The following TMPRSS11D variants were observed in gnomAD, a reference collection of about 807,000 sequenced individuals.
TMPRSS11D encodes the protein transmembrane serine protease 11D.
Under a neutral mutation model 44.4 loss-of-function variants are expected in TMPRSS11D, and 32 were observed. The ratio of observed to expected loss-of-function variants is 0.72; its 90% CI spans 0.54 to 0.97. TMPRSS11D has a LOEUF of 0.97. Among genes scored for constraint, TMPRSS11D ranks in the 50% least tolerant of loss-of-function variants. The pLI, the probability that TMPRSS11D is intolerant of heterozygous loss-of-function variation, is 0.00. For missense variants in TMPRSS11D, 446 were observed against 502.6 expected (o/e 0.89, Z 1.08); for synonymous variants, 179 against 177.9 (o/e 1.01, Z -0.05).
intron 2 of TMPRSS11D, 72 bp downstream of exon 2, chr4:67,859,485 G>T: frequency 2.0e-6 from 3 of 1,516,582 alleles, no homozygotes; most frequent in Non-Finnish European, 2.7e-6. Context: ...GTAAAAGAAA[G>T]AATGCCAGAC....
intron 2 of TMPRSS11D, among the ~76,000 whole-genome samples, chr4:67,856,104 CCAA>C (rs1214566064): frequency 1.3e-5 from 2 of 152,134 alleles, no homozygotes; most frequent in Non-Finnish European, 2.9e-5. Flanking sequence ...TATCAAAATA[CCAA>C]CATCACTTTT....
At position 67,838,347 on chromosome 4, in the gene TMPRSS11D, AT is replaced by A. The variant is rs1718152034; in HGVS notation, c.318-19del. 6.6e-7 allele frequency: 1 copy of A among 1,522,776 alleles called. No homozygotes were observed. The highest frequency in any genetic ancestry group is 1.4e-5 in the African/African-American group (1 of 70,892). The allele number at this position is 1,522,776 out of a possible 1,614,324, so 94.3% of individuals were successfully genotyped here. On this transcript the variant is annotated intron_variant, in intron 4 of 9. Transcript: ENST00000283916. ...CATCTTGCCTGTAAATCATAAAGAT[AT>A]TTTAAAAAACAAATAATATGACAAT...
intron 5 of TMPRSS11D, among the ~76,000 whole-genome samples, chr4:67,836,240 A>T (rs1718084847): frequency 2.6e-5 from 4 of 152,118 alleles, no homozygotes; most frequent in African/African-American, 7.2e-5. Flanking sequence ...TTTCTAACTG[A>T]ATTCCACCAC....
At chr4:67,843,803 G>C (rs1297508671) in intron 3 of TMPRSS11D, among the ~76,000 whole-genome samples, 1 of 152,084 alleles carries the variant, frequency 6.6e-6, no homozygotes, top group Non-Finnish European at 1.5e-5. Context: ...AGTGCCTGCT[G>C]TCCCAGTTAT....
At chr4:67,852,011 G>A (rs1168108435) in intron 3 of TMPRSS11D, among the ~76,000 whole-genome samples, 1 of 152,124 alleles carries the variant, frequency 6.6e-6, no homozygotes, top group Non-Finnish European at 1.5e-5. Context: ...GGTGAAGGAT[G>A]GATGCTAAGG....
intron 3 of TMPRSS11D, among the ~76,000 whole-genome samples, chr4:67,851,949 A>C (rs984919614): frequency 6.6e-6 from 1 of 152,080 alleles, no homozygotes; most frequent in Non-Finnish European, 1.5e-5. Flanking sequence ...ACTCCCACCC[A>C]CCTTGGGACT....
In TMPRSS11D at chr4:67,825,885, T is replaced by A. The variant is rs1327819827; in HGVS notation, c.953-11A>T. ...CTGGAACTGTGTGGCCTGTTTGTTA[T>A]AAAAGCAGGAAAAAAATGGACTTCA... is the stretch of plus-strand genomic sequence containing the variant. On this transcript the variant is annotated splice_polypyrimidine_tract_variant and intron_variant, in intron 8 of 9. Transcript: ENST00000283916. 4.4e-6 allele frequency: 7 copies of A among 1,600,828 alleles called. No homozygotes were observed. Among genetic ancestry groups the A allele is most frequent in the Admixed American group, 3.4e-5 (2 of 58,938 alleles).
chr4:67,865,805 T>C (rs1718912521), intron 1 of TMPRSS11D, among the ~76,000 whole-genome samples: 1 of 150,954 alleles, frequency 6.6e-6, no homozygotes, highest in South Asian at 2.1e-4. Context: ...AAAATAGAAA[T>C]CCCAAACAGA....
intron 1 of TMPRSS11D, among the ~76,000 whole-genome samples, chr4:67,874,108 C>T (rs1719122282): frequency 6.6e-6 from 1 of 152,024 alleles, no homozygotes; most frequent in Admixed American, 6.6e-5. Context: ...CAATTGCCTA[C>T]AGTATTCAGT....
chr4:67,827,266 T>C lies in TMPRSS11D; in HGVS notation c.947A>G (p.Tyr316Cys), dbSNP rs1340322499. The stretch of plus-strand genomic sequence containing the variant: ...TTTTTTTCCGAGACACTTACCAGCA[T>C]ATTCTTGAGCGCCCCATCCTGTTAC... ...AYVTGWGAQE[Y>C]AGHTVPELRQ... is the part of the protein sequence containing the mutation. The change falls in exon 8 of 10, where the codon TAT becomes TGT. Residue 316 changes from tyrosine to cysteine, a missense_variant. By Grantham distance (194) the Tyr-to-Cys change is radical. Transcript: ENST00000283916. The C allele has an allele frequency of 6.3e-7, 1 of 1,596,896 alleles. No individual in the cohort carries two copies. The highest frequency in any genetic ancestry group is 8.5e-7 in the Non-Finnish European group (1 of 1,174,458).
Position 67,880,706 on chromosome 4 carries a change from A to C in TMPRSS11D, c.8+3220T>G, listed in dbSNP as rs1228578323. Among the ~76,000 whole-genome samples the C allele has an allele frequency of 3.3e-5, 5 of 152,128 alleles. No individual in the cohort carries two copies. In the East Asian group the frequency reaches 9.7e-4, roughly 29 times the overall value. On this transcript the variant is annotated intron_variant, in intron 1 of 9. Transcript: ENST00000283916. The stretch of plus-strand genomic sequence containing the variant: ...GAGTGCAGTGGCATGATCATAGCTC[A>C]CTGCAACACTGAACTTCTGGATCCA...
At chr4:67,856,556 C>T (rs1423313398) in intron 2 of TMPRSS11D, among the ~76,000 whole-genome samples, 5 of 152,110 alleles carry the variant, frequency 3.3e-5, no homozygotes, top group Admixed American at 1.3e-4. Context: ...GGAAACACTT[C>T]ATGTCTTTAG....
chr4:67,881,400 C>G (rs532225142), intron 1 of TMPRSS11D, among the ~76,000 whole-genome samples: 1 of 152,108 alleles, frequency 6.6e-6, no homozygotes, highest in Non-Finnish European at 1.5e-5. Flanking sequence ...TATGCAGGCC[C>G]GTCCCACACC....
intron 1 of TMPRSS11D, among the ~76,000 whole-genome samples, chr4:67,873,869 C>T (rs1347000488): frequency 6.6e-6 from 1 of 152,018 alleles, no homozygotes. Flanking sequence ...AGTAAATAGG[C>T]AATCCTCTTT....
At chr4:67,872,083 C>T (rs1351945991) in intron 1 of TMPRSS11D, among the ~76,000 whole-genome samples, 1 of 152,052 alleles carries the variant, frequency 6.6e-6, no homozygotes, top group Non-Finnish European at 1.5e-5. Context: ...GAGGGCACTG[C>T]TGTTCAATGT....
At chr4:67,874,694 C>T (rs1719141952) in intron 1 of TMPRSS11D, among the ~76,000 whole-genome samples, 1 of 151,884 alleles carries the variant, frequency 6.6e-6, no homozygotes, top group Admixed American at 6.6e-5. Context: ...AATAAAGAGC[C>T]TAAAGAAAGG....
chr4:67,860,161 G>T (rs941510343), intron 1 of TMPRSS11D, among the ~76,000 whole-genome samples: 1 of 152,022 alleles, frequency 6.6e-6, no homozygotes, highest in Non-Finnish European at 1.5e-5. Context: ...GGGTCAGGAC[G>T]GTAGCATTTC....
chr4:67,833,160 T>C (rs1250181404), intron 7 of TMPRSS11D, 44 bp downstream of exon 7: 4 of 1,368,722 alleles, frequency 2.9e-6, no homozygotes, highest in Middle Eastern at 5.5e-4. Flanking sequence ...TCATGACCTG[T>C]CTATTCTAAT....
intron 1 of TMPRSS11D, among the ~76,000 whole-genome samples, chr4:67,863,218 A>G (rs1341926286): frequency 6.6e-6 from 1 of 151,070 alleles, no homozygotes; most frequent in Non-Finnish European, 1.5e-5. Context: ...GGAGCTCAGA[A>G]CCTGATATAC....
Sources: allele counts gnomAD v4.1 joint callset (sites outside exome capture counted in the v4.1 genomes callset), GRCh38; gene constraint gnomAD v4.1.1; transcripts MANE v1.5; gene names NCBI Gene and HGNC (gene_info 2026-07-23, HGNC 2026-07-21).